Variants in TENM1 observed in about 807,000 individuals in gnomAD.
TENM1 encodes the protein teneurin-1.
A neutral mutation model predicts 174.8 loss-of-function variants in TENM1; 35 were observed. The observed-to-expected ratio is 0.20, with a 90% CI of 0.15 to 0.27. The LOEUF is 0.27. Ranked by LOEUF, TENM1 falls within the 10% of genes least tolerant of loss-of-function variation. The pLI is 1.00. For synonymous variants in TENM1, 781 were observed against 798.7 expected, an observed-to-expected ratio of 0.98 and a Z score of 0.37; for missense variants, 1,633 against 2,130.1, an observed-to-expected ratio of 0.77 and a Z score of 4.59.
chrX:125,014,191 T>C, the TENM1 span, among the ~76,000 whole-genome samples: 1 of 112,646 alleles, frequency 8.9e-6, no homozygotes, highest in Non-Finnish European at 1.9e-5. Context: ...AGGCATCTCT[T>C]CACTGTGAGT....
chrX:124,895,119 A>G (rs2057540822), intron 2 of TENM1, among the ~76,000 whole-genome samples: 1 of 111,343 alleles, frequency 9.0e-6, no homozygotes, highest in African/African-American at 3.3e-5. Flanking sequence ...AGAGGACAAA[A>G]TAGAAAAAAC....
intron 17 of TENM1, among the ~76,000 whole-genome samples, chrX:124,522,240 T>C (rs1297000614): frequency 9.0e-6 from 1 of 111,060 alleles, no homozygotes; most frequent in African/African-American, 3.3e-5. Context: ...CTTATCTAAG[T>C]GGTATTCTCT....
intron 11 of TENM1, among the ~76,000 whole-genome samples, chrX:124,640,833 C>A (rs193210212): frequency 9.1e-6 from 1 of 109,566 alleles, no homozygotes; most frequent in African/African-American, 3.3e-5. Context: ...TGGTGTCACG[C>A]GCCTGTAGTC....
At chrX:124,459,817 G>A (rs757813891) in intron 22 of TENM1, among the ~76,000 whole-genome samples, 12 of 111,105 alleles carry the variant, frequency 1.1e-4, no homozygotes, top group Non-Finnish European at 2.1e-4. Flanking sequence ...TTTTTGCAAA[G>A]TATGAATCTG....
At chrX:124,796,010 A>G (rs2055297700) in intron 3 of TENM1, among the ~76,000 whole-genome samples, 1 of 111,405 alleles carries the variant, frequency 9.0e-6, no homozygotes, top group Admixed American at 9.6e-5. Context: ...ATGTCAATTA[A>G]AAATCACTCT....
the TENM1 span, among the ~76,000 whole-genome samples, chrX:125,005,313 A>T: frequency 1.8e-5 from 2 of 108,310 alleles, no homozygotes; most frequent in Admixed American, 1.0e-4. Context: ...CAGAGCCTCT[A>T]ATAAACTATT....
intron 11 of TENM1, among the ~76,000 whole-genome samples, chrX:124,618,110 A>C (rs919041711): frequency 4.5e-5 from 5 of 112,087 alleles, no homozygotes; most frequent in Admixed American, 3.8e-4. Context: ...GAATTCTGTA[A>C]TTTTTCCCAT....
intron 11 of TENM1, among the ~76,000 whole-genome samples, chrX:124,595,393 C>G (rs1365471979): frequency 3.6e-5 from 4 of 111,164 alleles, no homozygotes. Context: ...TTAATTATGT[C>G]TCAACAAAGC....
chrX:124,819,721 G>A (rs781399186), intron 3 of TENM1, among the ~76,000 whole-genome samples: 4 of 110,614 alleles, frequency 3.6e-5, no homozygotes, highest in Non-Finnish European at 3.8e-5. Context: ...AAATTGTCAA[G>A]CTCCAAGATT....
the TENM1 span, among the ~76,000 whole-genome samples, chrX:125,155,717 A>G: frequency 8.9e-6 from 1 of 112,900 alleles, no homozygotes; most frequent in African/African-American, 3.2e-5. Context: ...CCACTGGCCC[A>G]GGTGCTAAGC....
chrX:125,150,186 A>G, the TENM1 span, among the ~76,000 whole-genome samples: 1 of 112,039 alleles, frequency 8.9e-6, no homozygotes. Flanking sequence ...GACTTTTCAC[A>G]TTTCATACAT....
intron 23 of TENM1, among the ~76,000 whole-genome samples, chrX:124,438,495 T>C (rs17325513): frequency 0.12 from 12,844 of 111,183 alleles, 612 homozygotes; most frequent in Admixed American, 0.16. Flanking sequence ...ATCTTGTGAC[T>C]TGCCCTGAAC....
In TENM1 at chrX:124,451,753, C is replaced by G. The variant is rs765500372; in HGVS notation, c.4104+1584G>C. Reference sequence around the variant, plus strand: ...GCTATCTGATCTTTGACAAACCTGACAAAAACAAGAAATGGGGAAAGGATT... The same window carrying G: ...GCTATCTGATCTTTGACAAACCTGAGAAAAACAAGAAATGGGGAAAGGATT... On this transcript the variant is annotated intron_variant, in intron 23 of 31. Coordinates refer to ENST00000422452, the Ensembl canonical transcript of TENM1. Among the ~76,000 whole-genome samples, 13 of 111,636 alleles carry G rather than the reference C, an allele frequency of 1.2e-4. No individual in the cohort carries two copies. In the South Asian group the frequency reaches 4.9e-3, roughly 42 times the overall value.
the TENM1 span, among the ~76,000 whole-genome samples, chrX:124,978,199 CTTCT>C: frequency 2.4e-4 from 26 of 108,346 alleles, no homozygotes; most frequent in Non-Finnish European, 4.0e-4. Context: ...ATAATTTCTA[CTTCT>C]TTCTTGAAAA....
chrX:125,083,523 A>G, the TENM1 span, among the ~76,000 whole-genome samples: 2 of 110,225 alleles, frequency 1.8e-5, no homozygotes, highest in Non-Finnish European at 3.8e-5. Flanking sequence ...CCTTACACAC[A>G]TCATACACAC....
the TENM1 span, among the ~76,000 whole-genome samples, chrX:125,111,057 G>A: frequency 2.7e-5 from 3 of 111,766 alleles, no homozygotes; most frequent in Admixed American, 9.5e-5. Context: ...TTGAATAATC[G>A]AAAAACACTT....
At chrX:124,634,136 A>G (rs1230350702) in intron 11 of TENM1, among the ~76,000 whole-genome samples, 1 of 111,756 alleles carries the variant, frequency 8.9e-6, no homozygotes, top group Non-Finnish European at 1.9e-5. Flanking sequence ...TGAAGCCTGC[A>G]TATGAATTAG....
At chrX:124,746,968 T>C (rs769811584) in intron 3 of TENM1, among the ~76,000 whole-genome samples, 1 of 109,317 alleles carries the variant, frequency 9.1e-6, no homozygotes, top group Non-Finnish European at 1.9e-5. Flanking sequence ...TACTAAATTA[T>C]GAAATTTATT....
At chrX:124,822,529 T>C (rs941111819) in intron 3 of TENM1, among the ~76,000 whole-genome samples, 1 of 112,237 alleles carries the variant, frequency 8.9e-6, no homozygotes, top group Non-Finnish European at 1.9e-5. Flanking sequence ...TCCTTTCCAA[T>C]TTACCTTCAA....
Sources: allele counts gnomAD v4.1 joint callset (sites outside exome capture counted in the v4.1 genomes callset), GRCh38; gene constraint gnomAD v4.1.1; transcripts MANE v1.5; gene names NCBI Gene and HGNC (gene_info 2026-07-23, HGNC 2026-07-21).